COG3: variants seen among roughly 807,000 people sequenced by gnomAD.
The protein encoded by COG3 is conserved oligomeric Golgi complex subunit 3.
COG3 carries 32 observed loss-of-function variants against 114.1 expected under a neutral mutation model. The observed-to-expected ratio is 0.28, with a 90% CI of 0.21 to 0.38. The LOEUF is 0.38. COG3 is among the 10% of genes least tolerant of loss of function. COG3 has a pLI of 1.00. For synonymous variants in COG3, 352 were observed against 365.7 expected, an observed-to-expected ratio of 0.96 and a Z score of 0.43; for missense variants, 813 against 973.2, an observed-to-expected ratio of 0.84 and a Z score of 2.19.
intron 13 of COG3, among the ~76,000 whole-genome samples, chr13:45,501,541 G>T (rs1448982428): frequency 6.6e-6 from 1 of 151,958 alleles, no homozygotes; most frequent in Non-Finnish European, 1.5e-5. Flanking sequence ...TTATTTCCTG[G>T]CACTATAAGA....
Position 45,493,474 on chromosome 13 carries a change from G to A in COG3, c.1315G>A (p.Val439Met). The change falls in exon 12 of 23, where the codon GTG becomes ATG. Residue 439 changes from valine to methionine, a missense_variant. Transcript: ENST00000349995. ...TAAAAATGAGGTGCTTGAAGATCATGTGCAGAACAATGGTAAATGAGTAGA... is the reference window on the plus strand; with the variant it reads ...TAAAAATGAGGTGCTTGAAGATCATATGCAGAACAATGGTAAATGAGTAGA... ...ILKNEVLEDH[V>M]QNNAEQLGAF... 3 of 1,612,858 alleles carry A rather than the reference G, an allele frequency of 1.9e-6. No homozygotes were observed. Among genetic ancestry groups the A allele is most frequent in the Admixed American group, 1.7e-5 (1 of 59,908 alleles).
At chr13:45,486,431 G>T in intron 7 of COG3, 64 bp from the exon 8 acceptor site, 1 of 1,011,814 alleles carries the variant, frequency 9.9e-7, no homozygotes, top group South Asian at 1.3e-5. Context: ...GGTTGCTGTT[G>T]GGTTTTCTGA....
At chr13:45,523,002 T>G (rs1415605494) in intron 19 of COG3, among the ~76,000 whole-genome samples, 2 of 151,460 alleles carry the variant, frequency 1.3e-5, no homozygotes, top group African/African-American at 4.8e-5. Context: ...CAAGATCATA[T>G]GTGTATCTGT....
Position 45,481,272 on chromosome 13 carries a change from T to A in COG3, c.592T>A (p.Ser198Thr). ...GGCTGAAAACATTCAACAAAAGCTT[T>A]CCTATTTTAACGAATTGGAAACTAT... ...DLAENIQQKL[S>T]YFNELETINT... is the part of the protein sequence containing the mutation. Residue 198 changes from serine (S) to threonine (T), a missense_variant, in exon 5 of 23, where the codon TCC (serine) becomes ACC (threonine). Physicochemically the swap from Ser to Thr is moderately conservative, Grantham distance 58. Transcript: ENST00000349995. 1 of 1,598,194 alleles carries A rather than the reference T, an allele frequency of 6.3e-7. No homozygotes were observed.
chr13:45,492,043 G>A (rs1887050689), intron 10 of COG3, 116 bp from the exon 11 acceptor site: 3 of 553,096 alleles, frequency 5.4e-6, no homozygotes, highest in Non-Finnish European at 9.4e-6. Flanking sequence ...TCTTCAGTAA[G>A]TTGTTTTAAG....
chr13:45,522,476 T>A (rs771561306), intron 19 of COG3, among the ~76,000 whole-genome samples: 1 of 152,176 alleles, frequency 6.6e-6, no homozygotes, highest in Non-Finnish European at 1.5e-5. Context: ...TCTTACTACA[T>A]CCCTGGAACC....
chr13:45,472,955 C>T (rs536872366), intron 1 of COG3, among the ~76,000 whole-genome samples: 13 of 152,198 alleles, frequency 8.5e-5, no homozygotes, highest in African/African-American at 1.9e-4. Context: ...CTGCAAGCTC[C>T]GCCTCCTGGG....
chr13:45,511,852 A>C lies in COG3; in HGVS notation c.1807A>C (p.Lys603Gln), dbSNP rs760703070. Residue 603 changes from lysine (K) to glutamine (Q), a missense_variant and splice_region_variant, in exon 16 of 23, where the codon AAG (lysine) becomes CAG (glutamine). By Grantham distance (53) the Lys-to-Gln change is moderately conservative. Around this residue, in one of 2 missense-constraint regions of COG3, gnomAD observed 389 missense variants for 542.6 expected, o/e 0.72. Coordinates refer to ENST00000349995, the MANE Select transcript of COG3 (RefSeq NM_031431.4). ...AGCGTCAGAGTCTATCAGCAAAAACAAGGTTTGATGAAGTGTTAGGTGAAA... is the reference window on the plus strand; with the variant it reads ...AGCGTCAGAGTCTATCAGCAAAAACCAGGTTTGATGAAGTGTTAGGTGAAA... Reference protein sequence around the residue: ...LGASESISKNKTQIDGQLFLI... With the variant: ...LGASESISKNQTQIDGQLFLI... 3 of 1,610,988 alleles carry C rather than the reference A, an allele frequency of 1.9e-6. No homozygotes were observed. The highest frequency in any genetic ancestry group is 1.7e-4 in the Middle Eastern group (1 of 6,052).
At chr13:45,515,741 C>G (rs1169564975) in intron 16 of COG3, among the ~76,000 whole-genome samples, 4 of 152,184 alleles carry the variant, frequency 2.6e-5, no homozygotes, top group Admixed American at 2.0e-4. Context: ...AGCCATGTTC[C>G]TGAGGAGAAA....
chr13:45,528,107 T>G (rs1269804917), intron 20 of COG3, among the ~76,000 whole-genome samples: 1 of 152,180 alleles, frequency 6.6e-6, no homozygotes, highest in Non-Finnish European at 1.5e-5. Flanking sequence ...ATTCCTAATT[T>G]TGCTTTAAAG....
intron 11 of COG3, among the ~76,000 whole-genome samples, 154 bp downstream of exon 11, chr13:45,492,404 T>C (rs1385272809): frequency 6.6e-6 from 1 of 151,236 alleles, no homozygotes; most frequent in Non-Finnish European, 1.5e-5. Context: ...GGGACAGATA[T>C]TTTCTTAAAA....
At chr13:45,519,304 G>A (rs76912379) in intron 19 of COG3, among the ~76,000 whole-genome samples, 2,434 of 152,234 alleles carry the variant, frequency 0.016, 17 homozygotes, top group Middle Eastern at 0.048. Flanking sequence ...TTTTTAAGAG[G>A]AAGAGTCGAA....
At chr13:45,532,364 A>C (rs1435610314) in intron 22 of COG3, among the ~76,000 whole-genome samples, 1 of 151,938 alleles carries the variant, frequency 6.6e-6, no homozygotes, top group Admixed American at 6.6e-5. Flanking sequence ...TTTCTTTTCA[A>C]TATTTAGAGA....
rs1437991167 is a variant in COG3 at position 45,518,766 on chromosome 13, A to C, written c.1935A>C (p.Ala645=). ...ATGAGTAATTTTGTTTCACAGATGC[A>C]GCATTTAAAATCCTGAACCCTATGA... ...ISLDLKKTRD[A]AFKILNPMTV... The change falls in exon 18 of 23, where the codon GCA becomes GCC. Residue 645 remains alanine, a synonymous_variant. Transcript: ENST00000349995. 2.5e-6 allele frequency: 4 copies of C among 1,611,334 alleles called. No homozygotes were observed. The South Asian group carries it at 3.3e-5, about 13-fold the overall frequency.
chr13:45,514,739 C>T (rs1045637705), intron 16 of COG3, among the ~76,000 whole-genome samples: 6 of 152,146 alleles, frequency 3.9e-5, no homozygotes, highest in Non-Finnish European at 8.8e-5. Flanking sequence ...GCTCCGCCTC[C>T]CAGGTTCACG....
chr13:45,516,497 A>G (rs941375227), intron 17 of COG3, among the ~76,000 whole-genome samples: 12 of 152,204 alleles, frequency 7.9e-5, no homozygotes, highest in Non-Finnish European at 1.8e-4. Flanking sequence ...TATTAGACTC[A>G]TTTAGACTCT....
In COG3 at chr13:45,535,145, A is replaced by G. The variant is rs1452208661; in HGVS notation, c.*414A>G. ...GTTTGCTAAAACGTGAAACACTGTAACACTTTTAACCACTGAGCATTCCAC... is the reference window on the plus strand; with the variant it reads ...GTTTGCTAAAACGTGAAACACTGTAGCACTTTTAACCACTGAGCATTCCAC... On this transcript the variant is annotated 3_prime_UTR_variant, in exon 23 of 23. Coordinates refer to ENST00000349995, the MANE Select transcript of COG3 (RefSeq NM_031431.4). 1 of 996,636 alleles carries G rather than the reference A, an allele frequency of 1.0e-6. No homozygotes were observed. The highest frequency in any genetic ancestry group is 1.2e-6 in the Non-Finnish European group (1 of 837,862). The allele number at this position is 996,636 out of a possible 1,614,324, so 61.7% of individuals were successfully genotyped here. A position where few individuals can be genotyped will look rare whatever the true frequency, so the allele number is the denominator to read the frequency against.
At chr13:45,476,151 C>A in intron 1 of COG3, 50 bp from the exon 2 acceptor site, 6 of 1,574,586 alleles carry the variant, frequency 3.8e-6, no homozygotes, top group Non-Finnish European at 5.2e-6. Flanking sequence ...GAGTTAAGTT[C>A]AGAGAATTTT....
intron 20 of COG3, among the ~76,000 whole-genome samples, chr13:45,527,600 G>A (rs1024358727): frequency 6.6e-6 from 1 of 152,122 alleles, no homozygotes; most frequent in African/African-American, 2.4e-5. Context: ...CAAGTTCTCA[G>A]GGATCATTTC....
Sources: gnomAD v4.1 joint callset for allele counts (sites outside exome capture counted in the v4.1 genomes callset) on GRCh38, gnomAD v4.1.1 for gene constraint, gnomAD v4.1.1 regional missense constraint, MANE v1.5 for transcripts, NCBI Gene and HGNC (gene_info 2026-07-23, HGNC 2026-07-21) for gene names.